The following CSMD3 variants were observed in gnomAD, a reference collection of about 807,000 sequenced individuals.
CSMD3 encodes the protein CUB and sushi domain-containing protein 3.
In CSMD3, 177 loss-of-function variants were observed where a neutral mutation model predicts 435.2. The ratio of observed to expected loss-of-function variants is 0.41; its 90% confidence interval spans 0.36 to 0.46. CSMD3 has a LOEUF of 0.46. Ranked by LOEUF, CSMD3 falls within the 20% of genes least tolerant of loss-of-function variation. CSMD3 has a pLI of 0.34. For missense variants in CSMD3, 4,265 were observed against 4,504.6 expected, an observed-to-expected ratio of 0.95 and a Z score of 1.52; for synonymous variants, 1,656 against 1,520.5, an observed-to-expected ratio of 1.09 and a Z score of -2.07.
intron 16 of CSMD3, among the ~76,000 whole-genome samples, chr8:112,680,134 G>T (rs1014855092): frequency 2.6e-5 from 4 of 152,100 alleles, no homozygotes; most frequent in Non-Finnish European, 5.9e-5. Context: ...GCAGGCGGAT[G>T]ACCTGAGGTC....
intron 64 of CSMD3, among the ~76,000 whole-genome samples, chr8:112,245,413 T>G (rs998504256): frequency 3.3e-5 from 5 of 152,200 alleles, no homozygotes; most frequent in African/African-American, 1.2e-4. Flanking sequence ...AAAAGTGTTC[T>G]GTGGATAAAT....
At chr8:113,008,899 A>G (rs552986650) in intron 6 of CSMD3, among the ~76,000 whole-genome samples, 1 of 151,514 alleles carries the variant, frequency 6.6e-6, no homozygotes, top group African/African-American at 2.4e-5. Flanking sequence ...AAAAAAATCA[A>G]TGTTCAATAT....
chr8:113,280,348 A>T (rs2093604258), intron 2 of CSMD3, among the ~76,000 whole-genome samples: 1 of 151,734 alleles, frequency 6.6e-6, no homozygotes, highest in African/African-American at 2.4e-5. Context: ...CCTACTTGTT[A>T]TTGGTCTATT....
At position 112,403,803 on chromosome 8, in the gene CSMD3, G is replaced by A. The variant is rs7816341; in HGVS notation, c.5809+2721C>T. Among the ~76,000 whole-genome samples, 725 of 152,198 alleles carry A rather than the reference G, an allele frequency of 4.8e-3. 3 individuals carry two copies. Among genetic ancestry groups the A allele is most frequent in the Non-Finnish European group, 7.8e-3 (532 of 68,006 alleles). On this transcript the variant is annotated intron_variant, in intron 35 of 70. Transcript: ENST00000297405. The stretch of plus-strand genomic sequence containing the variant: ...TGAGGGAGAGAATAAATATTCAGAC[G>A]ATAGGATTGGCAAACAGTGGCATTA...
At chr8:113,231,849 A>G (rs2093091853) in intron 3 of CSMD3, among the ~76,000 whole-genome samples, 1 of 151,488 alleles carries the variant, frequency 6.6e-6, no homozygotes, top group Admixed American at 6.6e-5. Flanking sequence ...TCATTTAGTC[A>G]TAGGCTATTA....
At chr8:112,359,490 A>G (rs1045152846) in intron 38 of CSMD3, among the ~76,000 whole-genome samples, 4 of 152,198 alleles carry the variant, frequency 2.6e-5, no homozygotes, top group Admixed American at 2.0e-4. Flanking sequence ...GTGTGAATGA[A>G]TGAATAATAT....
chr8:113,421,587 T>A (rs2094608957), intron 1 of CSMD3, among the ~76,000 whole-genome samples: 1 of 152,072 alleles, frequency 6.6e-6, no homozygotes, highest in African/African-American at 2.4e-5. Context: ...ACCCTGAAAG[T>A]TTGGCACTTT....
At chr8:112,883,313 T>C (rs1420323668) in intron 10 of CSMD3, among the ~76,000 whole-genome samples, 1 of 151,990 alleles carries the variant, frequency 6.6e-6, no homozygotes, top group Non-Finnish European at 1.5e-5. Flanking sequence ...CGTTGGTTTG[T>C]AATGTCTGAT....
intron 5 of CSMD3, among the ~76,000 whole-genome samples, chr8:113,071,541 AT>A (rs1249162516): frequency 4.0e-5 from 6 of 151,618 alleles, no homozygotes; most frequent in Middle Eastern, 3.4e-3. Context: ...GTGTAGATAC[AT>A]TTTTTTATAT....
chr8:112,734,047 GGAA>G (rs2077132611), intron 13 of CSMD3, among the ~76,000 whole-genome samples: 1 of 151,702 alleles, frequency 6.6e-6, no homozygotes, highest in Non-Finnish European at 1.5e-5. Context: ...CCAAATCCCT[GGAA>G]GGAGTTAGAA....
At chr8:113,103,222 T>C (rs1313417075) in intron 4 of CSMD3, among the ~76,000 whole-genome samples, 1 of 152,152 alleles carries the variant, frequency 6.6e-6, no homozygotes, top group Non-Finnish European at 1.5e-5. Context: ...TAGACTTCCC[T>C]TGAGGTTAAC....
At chr8:112,524,246 C>G (rs550723690) in intron 27 of CSMD3, among the ~76,000 whole-genome samples, 49 of 150,422 alleles carry the variant, frequency 3.3e-4, no homozygotes, top group South Asian at 8.4e-4. Context: ...AGGATCTGTA[C>G]AAGAAACTCA....
intron 1 of CSMD3, among the ~76,000 whole-genome samples, chr8:113,344,065 T>C: frequency 6.6e-6 from 1 of 152,180 alleles, no homozygotes; most frequent in Admixed American, 6.6e-5. Flanking sequence ...CATTCTATAT[T>C]AGTGTTTTTT....
chr8:113,405,943 T>A (rs751466595), intron 1 of CSMD3, among the ~76,000 whole-genome samples: 3 of 151,806 alleles, frequency 2.0e-5, no homozygotes, highest in Non-Finnish European at 4.4e-5. Flanking sequence ...TCAAGCTGTT[T>A]TACGAGTTGC....
chr8:112,955,226 C>T (rs2083971928), intron 7 of CSMD3, among the ~76,000 whole-genome samples: 1 of 151,562 alleles, frequency 6.6e-6, no homozygotes, highest in African/African-American at 2.4e-5. Context: ...AAGAAAATGA[C>T]TTAATTAGAA....
intron 32 of CSMD3, among the ~76,000 whole-genome samples, chr8:112,451,494 A>G (rs1816265138): frequency 6.6e-6 from 1 of 152,182 alleles, no homozygotes; most frequent in South Asian, 2.1e-4. Flanking sequence ...ATGGTCTTTT[A>G]ATATTGTTAG....
At chr8:112,368,519 C>T (rs144637605) in intron 38 of CSMD3, among the ~76,000 whole-genome samples, 3 of 152,298 alleles carry the variant, frequency 2.0e-5, no homozygotes, top group African/African-American at 7.2e-5. Context: ...TACTTGTTTA[C>T]ATGTCCTTAC....
intron 32 of CSMD3, among the ~76,000 whole-genome samples, chr8:112,436,170 C>G (rs1814320387): frequency 6.6e-6 from 1 of 151,782 alleles, no homozygotes; most frequent in African/African-American, 2.4e-5. Context: ...CCTAAGAAAT[C>G]TAAATTTTAA....
At chr8:113,419,017 A>C (rs2094596530) in intron 1 of CSMD3, among the ~76,000 whole-genome samples, 1 of 152,106 alleles carries the variant, frequency 6.6e-6, no homozygotes, top group African/African-American at 2.4e-5. Flanking sequence ...ATAAATATGG[A>C]GTTCATTGGA....
Sources: gnomAD v4.1 joint callset for allele counts (sites outside exome capture counted in the v4.1 genomes callset) on GRCh38, gnomAD v4.1.1 for gene constraint, MANE v1.5 for transcripts, NCBI Gene and HGNC (gene_info 2026-07-23, HGNC 2026-07-21) for gene names.